Variants in FLT1 observed in about 807,000 individuals in gnomAD.
FLT1 encodes the protein vascular endothelial growth factor receptor 1.
FLT1 carries 49 observed loss-of-function variants against 156.3 expected under a neutral mutation model. The observed-to-expected ratio is 0.31, with a 90% CI of 0.25 to 0.40. FLT1 has a LOEUF of 0.40. Ranked by LOEUF, FLT1 falls within the 10% of genes least tolerant of loss-of-function variation. The probability of loss-of-function intolerance (pLI) is 1.00; values close to 1 mark genes in which losing one functional copy is unlikely to be tolerated. For missense variants in FLT1, 1,322 were observed against 1,637.2 expected (o/e 0.81, Z 3.32); for synonymous variants, 594 against 583.8 (o/e 1.02, Z -0.25).
intron 22 of FLT1, among the ~76,000 whole-genome samples, chr13:28,321,962 C>A (rs1490463308): frequency 2.0e-5 from 3 of 152,198 alleles, no homozygotes; most frequent in Non-Finnish European, 4.4e-5. Flanking sequence ...CCTATGAAGT[C>A]ATGTCTTCTG....
chr13:28,476,419 T>C (rs1186783061), intron 1 of FLT1, among the ~76,000 whole-genome samples: 2 of 152,210 alleles, frequency 1.3e-5, no homozygotes, highest in Non-Finnish European at 2.9e-5. Context: ...TTTACAAATA[T>C]GTAATATTTT....
At chr13:28,412,377 T>TTTCTTTCTTTCTTTCTTTCTTTCTTTCC (rs1876319798) in intron 10 of FLT1, among the ~76,000 whole-genome samples, 3 of 120,652 alleles carry the variant, frequency 2.5e-5, no homozygotes, top group African/African-American at 3.1e-5. Context: ...TCTTTCTTTC[T>TTTCTTTCTTTCTTTCTTTCTTTCTTTCC]TTCTTTCTTT....
In FLT1 at chr13:28,384,878, C is replaced by A; in HGVS notation, c.2116+7G>T. The A allele has an allele frequency of 6.2e-7, 1 of 1,613,818 alleles. No homozygotes were observed. The highest frequency in any genetic ancestry group is 1.1e-5 in the South Asian group (1 of 91,052). On this transcript the variant is annotated splice_region_variant and intron_variant, in intron 14 of 29. Coordinates refer to ENST00000282397, the MANE Select transcript of FLT1 (RefSeq NM_002019.4). ...AATAATAAATGGAAGAAAAAAAAGT[C>A]TCTTACCAGGCTCTTGTTGTATTTT...
chr13:28,398,543 T>C (rs766928623), intron 11 of FLT1, among the ~76,000 whole-genome samples: 5 of 152,244 alleles, frequency 3.3e-5, no homozygotes, highest in Non-Finnish European at 7.3e-5. Flanking sequence ...CTCATGTTTT[T>C]AGCCAGCAAA....
At chr13:28,429,993 C>G in intron 8 of FLT1, 57 bp downstream of exon 8, 2 of 1,151,350 alleles carry the variant, frequency 1.7e-6, no homozygotes, top group Admixed American at 3.4e-5. Context: ...TAGGCTCTTG[C>G]AGCTTCCCAC....
chr13:28,342,715 G>C (rs970582504), intron 16 of FLT1, among the ~76,000 whole-genome samples: 3 of 152,084 alleles, frequency 2.0e-5, no homozygotes, highest in African/African-American at 7.2e-5. Flanking sequence ...CTGAGCCTCA[G>C]TTGCCCTCTC....
At chr13:28,486,478 C>T (rs1213902193) in intron 1 of FLT1, among the ~76,000 whole-genome samples, 2 of 152,240 alleles carry the variant, frequency 1.3e-5, no homozygotes, top group Non-Finnish European at 2.9e-5. Flanking sequence ...TGGAGGAAAC[C>T]AGGGCTGGAC....
chr13:28,379,656 G>A (rs1202875618), intron 14 of FLT1, among the ~76,000 whole-genome samples: 1 of 152,176 alleles, frequency 6.6e-6, no homozygotes, highest in Non-Finnish European at 1.5e-5. Context: ...TGTTTGGGTT[G>A]CCCTGGCCAA....
chr13:28,411,605 A>C (rs1242111348), intron 10 of FLT1, among the ~76,000 whole-genome samples: 1 of 151,292 alleles, frequency 6.6e-6, no homozygotes, highest in Non-Finnish European at 1.5e-5. Context: ...ATTTATCACA[A>C]TTTTTTTCTC....
chr13:28,370,761 G>T (rs989122428), intron 14 of FLT1, among the ~76,000 whole-genome samples: 2 of 152,054 alleles, frequency 1.3e-5, no homozygotes, highest in East Asian at 1.9e-4. Flanking sequence ...AAGTTTGTGC[G>T]CACACCCACA....
chr13:28,375,872 A>G (rs868439052), intron 14 of FLT1, among the ~76,000 whole-genome samples: 15 of 152,224 alleles, frequency 9.9e-5, no homozygotes, highest in African/African-American at 3.4e-4. Context: ...TTCATTGTGT[A>G]CCGTAAGGAT....
intron 14 of FLT1, among the ~76,000 whole-genome samples, chr13:28,357,909 A>G (rs1487390459): frequency 9.0e-6 from 1 of 110,906 alleles, no homozygotes; most frequent in Non-Finnish European, 1.7e-5. Context: ...TTCTAATAGC[A>G]CCTTCACCAC....
intron 3 of FLT1, among the ~76,000 whole-genome samples, chr13:28,440,117 T>G (rs754684632): frequency 6.6e-5 from 10 of 152,142 alleles, no homozygotes; most frequent in Admixed American, 1.3e-4. Context: ...TTCTCCACCC[T>G]AGCCCACATT....
intron 1 of FLT1, among the ~76,000 whole-genome samples, chr13:28,476,917 C>A (rs1880582753): frequency 6.8e-6 from 1 of 146,806 alleles, no homozygotes; most frequent in African/African-American, 2.7e-5. Context: ...TAGCTCTTGG[C>A]ACAAAAGACA....
intron 1 of FLT1, among the ~76,000 whole-genome samples, chr13:28,474,182 A>C (rs186259860): frequency 1.0e-3 from 159 of 152,256 alleles, no homozygotes; most frequent in African/African-American, 3.5e-3. Flanking sequence ...CAGGCCGGGC[A>C]TGGTGGCTTA....
intron 13 of FLT1, chr13:28,388,566 G>A: frequency 9.5e-7 from 1 of 1,051,146 alleles, no homozygotes. Flanking sequence ...TCAAACGCAA[G>A]CTTAAAACAA....
chr13:28,434,572 C>A (rs1404530340), intron 4 of FLT1, among the ~76,000 whole-genome samples: 1 of 152,222 alleles, frequency 6.6e-6, no homozygotes, highest in Non-Finnish European at 1.5e-5. Context: ...ATAAGCTGGT[C>A]AGACACTCAA....
At chr13:28,404,757 C>T (rs542489532) in intron 11 of FLT1, among the ~76,000 whole-genome samples, 17 of 152,202 alleles carry the variant, frequency 1.1e-4, no homozygotes, top group Admixed American at 3.3e-4. Context: ...CAGTGACTCA[C>T]GCCTGTAATC....
At chr13:28,362,409 G>A (rs1483476856) in intron 14 of FLT1, among the ~76,000 whole-genome samples, 2 of 152,082 alleles carry the variant, frequency 1.3e-5, no homozygotes, top group African/African-American at 4.8e-5. Flanking sequence ...CAGTTGCTCC[G>A]GGTCAATGAA....
Sources: gnomAD v4.1 joint callset for allele counts (sites outside exome capture counted in the v4.1 genomes callset) on GRCh38, gnomAD v4.1.1 for gene constraint, MANE v1.5 for transcripts, NCBI Gene and HGNC (gene_info 2026-07-23, HGNC 2026-07-21) for gene names.